ADGRF5: variants seen among roughly 807,000 people sequenced by gnomAD.
ADGRF5 encodes the protein G-protein coupled receptor 116.
Under a neutral mutation model 132.3 loss-of-function variants are expected in ADGRF5, and 75 were observed. The observed-to-expected ratio is 0.57, with a 90% CI of 0.47 to 0.69. ADGRF5 has a LOEUF of 0.69. Among genes scored for constraint, ADGRF5 ranks in the 30% least tolerant of loss-of-function variants. ADGRF5 has a pLI of 0.00. For missense variants in ADGRF5, 1,516 were observed against 1,630.6 expected (o/e 0.93, Z 1.21); for synonymous variants, 629 against 597.6 (o/e 1.05, Z -0.77).
At chr6:46,945,451 T>TA (rs1160503614) in intron 1 of ADGRF5, among the ~76,000 whole-genome samples, 1 of 152,158 alleles carries the variant, frequency 6.6e-6, no homozygotes, top group Non-Finnish European at 1.5e-5. Context: ...AAATACTGAT[T>TA]AAAAACCTAA....
chr6:46,864,152 A>G (rs1027588280), intron 14 of ADGRF5, among the ~76,000 whole-genome samples: 1 of 152,196 alleles, frequency 6.6e-6, no homozygotes, highest in Non-Finnish European at 1.5e-5. Flanking sequence ...TCTTAACATA[A>G]GATTCTCCCT....
At position 46,863,435 on chromosome 6, in the gene ADGRF5, G is replaced by C. The variant is rs763083482; in HGVS notation, c.1991-339C>G. 143 of 399,420 alleles carry C rather than the reference G, an allele frequency of 3.6e-4. 1 individual carries two copies. The highest frequency in any genetic ancestry group is 5.9e-4 in the Non-Finnish European group (123 of 207,060). The allele number at this position is 399,420 out of a possible 1,614,324, so 24.7% of individuals were successfully genotyped here. On this transcript the variant is annotated intron_variant, in intron 14 of 20. Coordinates refer to ENST00000283296, the MANE Select transcript of ADGRF5 (RefSeq NM_001098518.2). ...AAGTAAATCGGAATCGTCAGAGCGG[G>C]ATTTAGGCATCAGCAGGTTTTTAAG... is the stretch of plus-strand genomic sequence containing the variant.
chr6:46,914,918 TG>T (rs2150914009), intron 1 of ADGRF5, among the ~76,000 whole-genome samples: 1 of 152,122 alleles, frequency 6.6e-6, no homozygotes, highest in African/African-American at 2.4e-5. Flanking sequence ...TGCAATGGCA[TG>T]ATCTTGGCTC....
Position 46,877,369 on chromosome 6 carries a change from CT to C in ADGRF5, c.1240+832del, listed in dbSNP as rs1184132556. 2.3e-3 allele frequency among the ~76,000 whole-genome samples: 113 copies of C among 49,792 alleles called. 6 individuals carry two copies. Among genetic ancestry groups the C allele is most frequent in the African/African-American group, 6.2e-3 (108 of 17,470 alleles). The allele number at this position is 49,792 out of a possible 152,430, so 32.7% of individuals were successfully genotyped here. A position where few individuals can be genotyped will look rare whatever the true frequency, so the allele number is the denominator to read the frequency against. ...TCTTTCTTTCTTTCTTTCTTTCTTT[CT>C]TTCTTTCTTTCTTTCTTCTTTCTTT... is the stretch of plus-strand genomic sequence containing the variant. On this transcript the variant is annotated intron_variant, in intron 10 of 20. Transcript: ENST00000283296.
chr6:46,938,238 A>G (rs1482876165), intron 1 of ADGRF5, among the ~76,000 whole-genome samples: 1 of 152,192 alleles, frequency 6.6e-6, no homozygotes, highest in African/African-American at 2.4e-5. Flanking sequence ...CTACAGCAGT[A>G]TCCTCCCTTT....
chr6:46,890,289 C>T (rs1258495157), intron 3 of ADGRF5, among the ~76,000 whole-genome samples: 1 of 151,846 alleles, frequency 6.6e-6, no homozygotes, highest in Non-Finnish European at 1.5e-5. Context: ...GATGGGGTTT[C>T]GCCATGTTGC....
At chr6:46,938,017 C>T (rs1777913908) in intron 1 of ADGRF5, among the ~76,000 whole-genome samples, 1 of 152,136 alleles carries the variant, frequency 6.6e-6, no homozygotes, top group Non-Finnish European at 1.5e-5. Flanking sequence ...AGCAAGACTG[C>T]TAATAAGTTG....
intron 10 of ADGRF5, among the ~76,000 whole-genome samples, chr6:46,873,254 C>T (rs370533402): frequency 1.1e-4 from 16 of 152,270 alleles, no homozygotes; most frequent in African/African-American, 3.6e-4. Flanking sequence ...CTAGCCACCA[C>T]TGCATTTCTT....
chr6:46,933,793 C>T (rs780760075), intron 1 of ADGRF5, among the ~76,000 whole-genome samples: 5 of 152,168 alleles, frequency 3.3e-5, no homozygotes, highest in South Asian at 2.1e-4. Context: ...TTCATAACTA[C>T]GTCACCTTCT....
chr6:46,862,833 A>G (rs1769945232), intron 15 of ADGRF5, 55 bp downstream of exon 15: 1 of 1,171,322 alleles, frequency 8.5e-7, no homozygotes, highest in Non-Finnish European at 1.3e-6. Context: ...GAGAAATATG[A>G]TCAGCCAGAT....
At chr6:46,953,403 C>T (rs938990212) in intron 1 of ADGRF5, among the ~76,000 whole-genome samples, 7 of 151,920 alleles carry the variant, frequency 4.6e-5, no homozygotes, top group African/African-American at 1.7e-4. Context: ...GGGCAGATCA[C>T]CTGAGGTCAG....
chr6:46,895,109 G>C, intron 3 of ADGRF5, among the ~76,000 whole-genome samples: 1 of 152,026 alleles, frequency 6.6e-6, no homozygotes, highest in East Asian at 1.9e-4. Flanking sequence ...CCTGGGAGGC[G>C]GAGGTTGCAG....
intron 1 of ADGRF5, among the ~76,000 whole-genome samples, chr6:46,940,148 C>A (rs1777994236): frequency 6.6e-6 from 1 of 152,122 alleles, no homozygotes; most frequent in Non-Finnish European, 1.5e-5. Flanking sequence ...ATGTGAGATT[C>A]TGCAGGACTT....
chr6:46,933,296 T>G (rs1777654725), intron 1 of ADGRF5, among the ~76,000 whole-genome samples: 1 of 152,200 alleles, frequency 6.6e-6, no homozygotes, highest in South Asian at 2.1e-4. Flanking sequence ...ATAAATAATT[T>G]CCATGTCCTA....
chr6:46,855,266 C>T (rs922324081), intron 20 of ADGRF5, among the ~76,000 whole-genome samples: 1 of 152,178 alleles, frequency 6.6e-6, no homozygotes, highest in African/African-American at 2.4e-5. Flanking sequence ...AGCAGCACCA[C>T]CACCACTACC....
chr6:46,862,862 C>T (rs746080944), intron 15 of ADGRF5, 26 bp downstream of exon 15: 1 of 1,500,842 alleles, frequency 6.7e-7, no homozygotes, highest in South Asian at 1.1e-5. Flanking sequence ...CCACCAAGAG[C>T]TCAGAGTGGA....
Position 46,881,576 on chromosome 6 carries a change from T to C in ADGRF5, c.693A>G (p.Thr231=), listed in dbSNP as rs980882392. 6.2e-7 allele frequency: 1 copy of C among 1,613,830 alleles called. No individual in the cohort carries two copies. The highest frequency in any genetic ancestry group is 1.3e-5 in the African/African-American group (1 of 74,934). ...ATGGTGGTGTAGTCTTGACTTCATA[T>C]GTCACAACCACACTTCCAGACCTGG... ...TGFKSGSVVV[T]YEVKTTPPSL... is the part of the protein sequence containing the mutation. Residue 231 remains threonine, a synonymous_variant, in exon 8 of 21, where the codon ACA becomes ACG. Transcript: ENST00000283296.
chr6:46,951,366 G>A (rs1015374222), intron 1 of ADGRF5, among the ~76,000 whole-genome samples: 4 of 152,288 alleles, frequency 2.6e-5, no homozygotes, highest in South Asian at 2.1e-4. Context: ...AGAGCGCCTC[G>A]GCAGTTTACT....
chr6:46,933,701 C>T (rs1013296814), intron 1 of ADGRF5, among the ~76,000 whole-genome samples: 1 of 152,206 alleles, frequency 6.6e-6, no homozygotes, highest in African/African-American at 2.4e-5. Context: ...CGTCGGGCCT[C>T]AGGGAAATTG....
Sources: gnomAD v4.1 joint callset for allele counts (sites outside exome capture counted in the v4.1 genomes callset) on GRCh38, gnomAD v4.1.1 for gene constraint, MANE v1.5 for transcripts, NCBI Gene and HGNC (gene_info 2026-07-23, HGNC 2026-07-21) for gene names.